Variants in GNG7 observed in about 807,000 individuals in gnomAD.
GNG7 encodes the protein guanine nucleotide-binding protein G(I)/G(S)/G(O) subunit gamma-7.
In GNG7, 1 loss-of-function variant was observed where a neutral mutation model predicts 4.0. The observed-to-expected ratio is 0.25, with a 90% CI of 0.09 to 1.18. GNG7 has a LOEUF of 1.18. GNG7 is among the 50% of genes most tolerant of loss of function. The pLI is 0.50. For missense variants in GNG7, 86 were observed against 91.9 expected, an observed-to-expected ratio of 0.94 and a Z score of 0.26; for synonymous variants, 34 against 36.9, an observed-to-expected ratio of 0.92 and a Z score of 0.29.
rs116093882 is a variant in GNG7 at position 2,670,595 on chromosome 19, C to T, written c.-134-24315G>A. Reference sequence around the variant, plus strand: ...GACGGGTGTGGAGATTCACAGAGCACCCTATTCTCTGAGGGTCACTTTGGT... The same window carrying T: ...GACGGGTGTGGAGATTCACAGAGCATCCTATTCTCTGAGGGTCACTTTGGT... On this transcript the variant is annotated intron_variant, in intron 1 of 4. Transcript: ENST00000382159. Among the ~76,000 whole-genome samples the T allele has an allele frequency of 6.2e-3, 937 of 151,876 alleles. 20 individuals carry two copies. The highest frequency in any genetic ancestry group is 0.022 in the African/African-American group (895 of 41,124).
Position 2,553,997 on chromosome 19 carries a change from A to G in GNG7, c.-38+1152T>C, listed in dbSNP as rs940099447. On this transcript the variant is annotated intron_variant, in intron 3 of 4. Coordinates refer to ENST00000382159, the MANE Select transcript of GNG7 (RefSeq NM_052847.3). The stretch of plus-strand genomic sequence containing the variant: ...ATATATTATATGTAATATATATTAC[A>G]CATATGTATATATTATATGTATATA... Among the ~76,000 whole-genome samples, 70 of 147,662 alleles carry G rather than the reference A, an allele frequency of 4.7e-4. 2 individuals are homozygous for G. Among genetic ancestry groups the G allele is most frequent in the Non-Finnish European group, 8.9e-4 (60 of 67,212 alleles).
chr19:2,665,667 C>T (rs1040806916), intron 1 of GNG7, among the ~76,000 whole-genome samples: 2 of 152,080 alleles, frequency 1.3e-5, no homozygotes, highest in African/African-American at 4.8e-5. Flanking sequence ...ACCTTCAGTC[C>T]CTTGCCACTG....
intron 2 of GNG7, among the ~76,000 whole-genome samples, chr19:2,577,573 C>T (rs897732028): frequency 9.9e-5 from 15 of 151,960 alleles, no homozygotes; most frequent in Admixed American, 5.2e-4. Flanking sequence ...TGGTGGCTCA[C>T]GCCTGTAATC....
At chr19:2,661,701 G>A (rs1235699337) in intron 1 of GNG7, among the ~76,000 whole-genome samples, 8 of 148,632 alleles carry the variant, frequency 5.4e-5, no homozygotes, top group African/African-American at 2.0e-4. Flanking sequence ...AGGAAGGAAG[G>A]AAGGAAAAAA....
At position 2,582,834 on chromosome 19, in the gene GNG7, A is replaced by G. The variant is rs144431777; in HGVS notation, c.-77-27646T>C. 3.9e-3 allele frequency among the ~76,000 whole-genome samples: 597 copies of G among 151,748 alleles called. 4 individuals carry two copies. Among genetic ancestry groups the G allele is most frequent in the African/African-American group, 0.014 (573 of 41,356 alleles). On this transcript the variant is annotated intron_variant, in intron 2 of 4. Transcript: ENST00000382159. Reference sequence around the variant, plus strand: ...CAGGTGCAAGCCACCATGCCCAGCTATTTTTTGTATTTTTAGTAGAGATGG... The same window carrying G: ...CAGGTGCAAGCCACCATGCCCAGCTGTTTTTTGTATTTTTAGTAGAGATGG...
rs1201980346 is a variant in GNG7, at chr19:2,618,451, C to A, written c.-78+27773G>T. 1.3e-5 allele frequency among the ~76,000 whole-genome samples: 2 copies of A among 151,782 alleles called. No individual in the cohort carries two copies. Among genetic ancestry groups the A allele is most frequent in the Non-Finnish European group, 2.9e-5 (2 of 67,956 alleles). ...GCAACCTGCACCTCCCCTGTTCAAG[C>A]GATTCTCCTGCCTCAGCCTCCCAAG... On this transcript the variant is annotated intron_variant, in intron 2 of 4. Coordinates refer to ENST00000382159, the MANE Select transcript of GNG7 (RefSeq NM_052847.3). This position sits in a 1 kb window ranked among gnomAD's most constrained non-coding sequence, Gnocchi z 5.1.
Position 2,697,785 on chromosome 19 carries a change from G to GT in GNG7, c.-135+4860dup, listed in dbSNP as rs200884843. On this transcript the variant is annotated intron_variant, in intron 1 of 4. Coordinates refer to ENST00000382159, the MANE Select transcript of GNG7 (RefSeq NM_052847.3). ...GCCTGGCCAACATGGTGAGGGCCCCGTCCCCCCCCCCGCCCGTCTCTACTA... is the reference window on the plus strand; with the variant it reads ...GCCTGGCCAACATGGTGAGGGCCCCGTTCCCCCCCCCCGCCCGTCTCTACTA... 5.8e-3 allele frequency among the ~76,000 whole-genome samples: 814 copies of GT among 140,060 alleles called. 10 individuals are homozygous for GT. The highest frequency in any genetic ancestry group is 0.023 in the African/African-American group (769 of 32,816). 91.9% of individuals were successfully genotyped at this position (140,060 alleles called of 152,430 possible). A position where few individuals can be genotyped will look rare whatever the true frequency, so the allele number is the denominator to read the frequency against.
chr19:2,638,503 T>A (rs1438460641), intron 2 of GNG7, among the ~76,000 whole-genome samples: 1 of 4,706 alleles, frequency 2.1e-4, no homozygotes, highest in African/African-American at 6.5e-4. Context: ...GGGAGGGGAA[T>A]GGAAGGGGAG....
chr19:2,619,435 C>T (rs57118359), intron 2 of GNG7, among the ~76,000 whole-genome samples: 5,071 of 152,306 alleles, frequency 0.033, 277 homozygotes, highest in African/African-American at 0.12. Context: ...CCCCAGGCCT[C>T]GCACATAGTA....
chr19:2,561,703 T>A (rs1370514715), intron 2 of GNG7, among the ~76,000 whole-genome samples: 2 of 131,772 alleles, frequency 1.5e-5, no homozygotes, highest in Non-Finnish European at 3.2e-5. Context: ...ATGGTGAAAC[T>A]CCGTCTCTAC....
chr19:2,526,501 T>C (rs1978401439), intron 3 of GNG7, among the ~76,000 whole-genome samples: 1 of 130,296 alleles, frequency 7.7e-6, no homozygotes, highest in South Asian at 2.6e-4. Flanking sequence ...TGTTTACTCA[T>C]ATATTTATAT....
At chr19:2,572,946 C>T (rs555248722) in intron 2 of GNG7, among the ~76,000 whole-genome samples, 2 of 151,638 alleles carry the variant, frequency 1.3e-5, no homozygotes, top group East Asian at 1.9e-4. Flanking sequence ...TCCGCATTAG[C>T]AGTCACCCCC....
At chr19:2,612,846 C>T (rs940779914) in intron 2 of GNG7, among the ~76,000 whole-genome samples, 5 of 152,032 alleles carry the variant, frequency 3.3e-5, no homozygotes, top group African/African-American at 1.2e-4. Flanking sequence ...GTACCCACCA[C>T]CACACCCGGC....
rs1049182013 is a variant in GNG7, at chr19:2,651,528, TTCTTTC to T, written c.-134-5254_-134-5249del. Among the ~76,000 whole-genome samples, 604 of 143,286 alleles carry T rather than the reference TTCTTTC, an allele frequency of 4.2e-3. 5 individuals carry two copies. Among genetic ancestry groups the T allele is most frequent in the African/African-American group, 0.015 (561 of 36,926 alleles). The allele number at this position is 143,286 out of a possible 152,430, so 94.0% of individuals were successfully genotyped here. ...CTTTGTCTCTCTCTTTCCTTCTTTC[TTCTTTC>T]TCTTTCTTTTCTCTCTCCCTTTCTC... is the stretch of plus-strand genomic sequence containing the variant. On this transcript the variant is annotated intron_variant, in intron 1 of 4. Transcript: ENST00000382159.
At chr19:2,686,517 C>G (rs1429177944) in intron 1 of GNG7, among the ~76,000 whole-genome samples, 2 of 152,132 alleles carry the variant, frequency 1.3e-5, no homozygotes, top group African/African-American at 4.8e-5. Flanking sequence ...CACCCCGGCC[C>G]GGTGCCTGCT....
chr19:2,539,530 C>T (rs965876122), intron 3 of GNG7, among the ~76,000 whole-genome samples: 1 of 152,040 alleles, frequency 6.6e-6, no homozygotes, highest in Admixed American at 6.6e-5. Context: ...GTCTCGAACT[C>T]CTGAACTCAG....
At chr19:2,569,600 G>T (rs1163766560) in intron 2 of GNG7, among the ~76,000 whole-genome samples, 1 of 152,142 alleles carries the variant, frequency 6.6e-6, no homozygotes, top group Admixed American at 6.5e-5. Context: ...TAAACAAAAA[G>T]TGTGAGACAT....
chr19:2,550,776 G>A (rs1377532514), intron 3 of GNG7, among the ~76,000 whole-genome samples: 1 of 152,304 alleles, frequency 6.6e-6, no homozygotes. Flanking sequence ...TGGGGACAAT[G>A]AGCCCTGCTC....
chr19:2,593,076 AAAAAG>A (rs1169665399), intron 2 of GNG7, among the ~76,000 whole-genome samples: 2 of 152,044 alleles, frequency 1.3e-5, no homozygotes, highest in Non-Finnish European at 2.9e-5. Context: ...GGGAGGAAAA[AAAAAG>A]AAAAGAAAAT....
Sources: allele counts gnomAD v4.1 joint callset (sites outside exome capture counted in the v4.1 genomes callset), GRCh38; gene constraint gnomAD v4.1.1; non-coding constraint Gnocchi (gnomAD v3.1); transcripts MANE v1.5; gene names NCBI Gene and HGNC (gene_info 2026-07-23, HGNC 2026-07-21).